The following DRC3 variants were observed in gnomAD, a reference collection of about 807,000 sequenced individuals.
DRC3 encodes the protein dynein regulatory complex subunit 3, also known as leucine rich repeat containing 48.
In DRC3, 45 loss-of-function variants were observed where a neutral mutation model predicts 57.6. That is an observed-to-expected ratio of 0.78 (90% CI 0.62 to 1.00). DRC3 has a LOEUF of 1.00. Ranked by LOEUF, DRC3 falls within the 50% of genes least tolerant of loss-of-function variation. The pLI is 0.00. For missense variants in DRC3, 655 were observed against 675.2 expected (o/e 0.97, Z 0.33); for synonymous variants, 257 against 272.3 (o/e 0.94, Z 0.55).
At chr17:18,012,583 G>A (rs773273442) in intron 12 of DRC3, among the ~76,000 whole-genome samples, 48 of 152,278 alleles carry the variant, frequency 3.2e-4, no homozygotes, top group Middle Eastern at 3.4e-3. Context: ...TCAGGATGCT[G>A]AGGTGGGAGG....
chr17:18,014,380 C>A (rs945741014), intron 12 of DRC3, among the ~76,000 whole-genome samples: 3 of 152,238 alleles, frequency 2.0e-5, no homozygotes. Flanking sequence ...CCTGCAGAAA[C>A]TGGAGAGGGA....
At chr17:17,994,565 C>A in intron 7 of DRC3, 147 bp downstream of exon 7, 1 of 1,173,414 alleles carries the variant, frequency 8.5e-7, no homozygotes, top group Non-Finnish European at 1.2e-6. Flanking sequence ...CTCTCCCTTC[C>A]TGGCTCATCT....
chr17:17,994,542 A>C, intron 7 of DRC3, 124 bp downstream of exon 7: 1 of 1,322,780 alleles, frequency 7.6e-7, no homozygotes, highest in Non-Finnish European at 1.0e-6. Context: ...CTCCCTCCAC[A>C]GGGCCTGATG....
intron 12 of DRC3, 79 bp downstream of exon 12, chr17:18,007,226 A>T (rs1012405361): frequency 3.4e-5 from 13 of 380,650 alleles, no homozygotes; most frequent in Middle Eastern, 9.5e-4. Flanking sequence ...TCTGTGAGTA[A>T]GCCTGACAAC....
intron 3 of DRC3, chr17:17,981,708 T>C (rs1215778689): frequency 6.6e-6 from 1 of 152,150 alleles, no homozygotes; most frequent in East Asian, 1.9e-4. Context: ...TATTTATTTA[T>C]TTATTTAGAG....
chr17:17,985,797 GA>G (rs1388270954), intron 4 of DRC3, among the ~76,000 whole-genome samples: 1 of 152,164 alleles, frequency 6.6e-6, no homozygotes, highest in Non-Finnish European at 1.5e-5. Context: ...CCCAAGAACA[GA>G]ACCCAGTGGC....
intron 12 of DRC3, chr17:18,010,972 T>G (rs1455145053): frequency 4.1e-6 from 1 of 242,970 alleles, no homozygotes; most frequent in Non-Finnish European, 8.2e-6. Context: ...GTTTGTTTGT[T>G]TTTGAGACGG....
In DRC3 at chr17:17,983,816, C is replaced by T. The variant is rs1348780703; in HGVS notation, c.161-12C>T. The stretch of plus-strand genomic sequence containing the variant: ...CCTAACCTGAGACTGAAATCACCTT[C>T]CATTATTTCAGACATCCTCCGCATA... On this transcript the variant is annotated splice_polypyrimidine_tract_variant and intron_variant, in intron 3 of 13. Coordinates refer to ENST00000399187, the MANE Select transcript of DRC3 (RefSeq NM_031294.4). 1 of 1,579,462 alleles carries T rather than the reference C, an allele frequency of 6.3e-7. No homozygotes were observed.
chr17:17,978,524 C>G (rs1416760307), intron 3 of DRC3, among the ~76,000 whole-genome samples: 1 of 152,212 alleles, frequency 6.6e-6, no homozygotes, highest in Non-Finnish European at 1.5e-5. Flanking sequence ...TGGTCTGATT[C>G]ACATTCGTGC....
intron 11 of DRC3, 89 bp from the exon 12 acceptor site, chr17:18,006,935 G>A: frequency 6.4e-7 from 1 of 1,567,740 alleles, no homozygotes; most frequent in Non-Finnish European, 8.7e-7. Context: ...CTCGCCTTGG[G>A]CCCTTAAAGT....
At chr17:18,006,996 C>CG in intron 11 of DRC3, 28 bp from the exon 12 acceptor site, 1 of 1,611,690 alleles carries the variant, frequency 6.2e-7, no homozygotes, top group Non-Finnish European at 8.5e-7. Flanking sequence ...CTGCTCCTCC[C>CG]GGGCCTTTGC....
Position 17,995,127 on chromosome 17 carries a change from C to A in DRC3, c.824+16C>A, listed in dbSNP as rs749627432. On this transcript the variant is annotated intron_variant, in intron 8 of 13. Transcript: ENST00000399187. ...TCCTTGAGACATATCCTTCTGAGTT[C>A]ATGGCTGTCTCAGAGCCTCTGCCAC... is the stretch of plus-strand genomic sequence containing the variant. The A allele has an allele frequency of 5.7e-6, 9 of 1,582,372 alleles. No individual in the cohort carries two copies. The Admixed American group carries it at 1.3e-4, about 24-fold the overall frequency.
intron 8 of DRC3, 49 bp downstream of exon 8, chr17:17,995,160 C>A: frequency 7.2e-7 from 1 of 1,392,776 alleles, no homozygotes; most frequent in Non-Finnish European, 1.0e-6. Flanking sequence ...CACCAGCCTG[C>A]CTTGGCAAGG....
chr17:18,015,512 G>C (rs1282068041), intron 12 of DRC3: 1 of 152,966 alleles, frequency 6.5e-6, no homozygotes, highest in East Asian at 1.9e-4. Context: ...TTACAAGACA[G>C]CAAAGTCAGG....
intron 9 of DRC3, among the ~76,000 whole-genome samples, chr17:18,004,053 A>G (rs1309027332): frequency 6.6e-6 from 1 of 151,996 alleles, no homozygotes; most frequent in Non-Finnish European, 1.5e-5. Context: ...TACCCTGCCT[A>G]CCAGCCTCTA....
chr17:17,987,019 TG>T (rs1032031370), intron 4 of DRC3, among the ~76,000 whole-genome samples: 17 of 152,084 alleles, frequency 1.1e-4, no homozygotes, highest in Non-Finnish European at 1.6e-4. Flanking sequence ...GAGACTAGCC[TG>T]GGCAATATGG....
intron 4 of DRC3, 25 bp from the exon 5 acceptor site, chr17:17,987,907 C>A (rs909087088): frequency 4.3e-6 from 7 of 1,610,248 alleles, no homozygotes; most frequent in African/African-American, 2.7e-5. Flanking sequence ...GGCAGCAGAC[C>A]CTCACAGCCC....
At chr17:18,010,929 C>G in intron 12 of DRC3, 1 of 264,910 alleles carries the variant, frequency 3.8e-6, no homozygotes, top group South Asian at 3.6e-5. Context: ...GGGCCTCTCT[C>G]AAGGATGAGG....
chr17:17,989,271 C>T (rs373179241), intron 5 of DRC3, among the ~76,000 whole-genome samples: 2 of 152,086 alleles, frequency 1.3e-5, no homozygotes, highest in African/African-American at 2.4e-5. Flanking sequence ...GGTCCCTGGA[C>T]GAGGTCAAAG....
Sources: gnomAD v4.1 joint callset for allele counts (sites outside exome capture counted in the v4.1 genomes callset) on GRCh38, gnomAD v4.1.1 for gene constraint, MANE v1.5 for transcripts, NCBI Gene and HGNC (gene_info 2026-07-23, HGNC 2026-07-21) for gene names.